The following PGAP4 variants were observed in gnomAD, a reference collection of about 807,000 sequenced individuals.
PGAP4 encodes the protein GPI-N-acetylgalactosamine transferase PGAP4.
A neutral mutation model predicts 28.2 loss-of-function variants in PGAP4; 12 were observed. That is an observed-to-expected ratio of 0.42 (90% CI 0.27 to 0.69). The LOEUF is 0.69. Ranked by LOEUF, PGAP4 falls within the 30% of genes least tolerant of loss-of-function variation. The pLI is 0.22. For missense variants in PGAP4, 425 were observed against 513.5 expected, an observed-to-expected ratio of 0.83 and a Z score of 1.67; for synonymous variants, 205 against 211.8, an observed-to-expected ratio of 0.97 and a Z score of 0.28.
upstream of PGAP4, among the ~76,000 whole-genome samples, chr9:101,487,804 C>T (rs188509275): frequency 2.6e-5 from 4 of 152,078 alleles, no homozygotes; most frequent in Non-Finnish European, 5.9e-5. Context: ...TTCAGGGCTA[C>T]GAAAATTATA....
In PGAP4 at chr9:101,474,994, T is replaced by TG. The variant is rs1053981643; in HGVS notation, c.*886_*887insC. 1.3e-5 allele frequency: 2 copies of TG among 151,666 alleles called. No homozygotes were observed. Among genetic ancestry groups the TG allele is most frequent in the Non-Finnish European group, 2.9e-5 (2 of 67,918 alleles). 9.4% of individuals were successfully genotyped at this position (151,666 alleles called of 1,614,324 possible). On this transcript the variant is annotated 3_prime_UTR_variant, in exon 2 of 2. Transcript: ENST00000374848. ...TTCTGACTTCAGTCCATGATTTTTT[T>TG]TTTTTTTTTTCTATAACATCATGCT... is the stretch of plus-strand genomic sequence containing the variant.
chr9:101,496,761 A>G (rs1255748485), intron 2 of PGAP4, among the ~76,000 whole-genome samples: 1 of 150,958 alleles, frequency 6.6e-6, no homozygotes, highest in African/African-American at 2.4e-5. Flanking sequence ...TTTTTAATAC[A>G]AAGTTATTGC....
At chr9:101,524,143 G>T (rs1335568268) in intron 2 of PGAP4, among the ~76,000 whole-genome samples, 1 of 151,460 alleles carries the variant, frequency 6.6e-6, no homozygotes, top group South Asian at 2.1e-4. Flanking sequence ...GGAGGTTGGG[G>T]GGCGGGTGTG....
chr9:101,531,110 T>G (rs539849794), intron 2 of PGAP4: 1 of 151,856 alleles, frequency 6.6e-6, no homozygotes, highest in Non-Finnish European at 1.5e-5. Flanking sequence ...CAAACCTGCC[T>G]TGTAGATTTT....
chr9:101,493,252 C>A (rs78965736), intron 2 of PGAP4, among the ~76,000 whole-genome samples: 6,397 of 116,828 alleles, frequency 0.055, 172 homozygotes, highest in Admixed American at 0.1. Context: ...GACTCCATCT[C>A]AAAAAAAAAA....
chr9:101,501,791 A>G, intron 2 of PGAP4: 2 of 517,518 alleles, frequency 3.9e-6, no homozygotes, highest in Admixed American at 1.9e-5. Flanking sequence ...TGCCAGACAC[A>G]AGAGATACAG....
At chr9:101,531,693 A>G (rs1260228962) in intron 1 of PGAP4, 1 of 152,216 alleles carries the variant, frequency 6.6e-6, no homozygotes, top group Admixed American at 6.5e-5. Flanking sequence ...ATTGGGGTGA[A>G]ATCAGTTTTC....
At chr9:101,523,615 G>C (rs551371967) in intron 2 of PGAP4, among the ~76,000 whole-genome samples, 1 of 27,354 alleles carries the variant, frequency 3.7e-5, no homozygotes, top group East Asian at 7.8e-4. Context: ...CTCACTTCTT[G>C]TATCTTTTTT....
intron 1 of PGAP4, among the ~76,000 whole-genome samples, chr9:101,483,863 T>C (rs868014075): frequency 6.6e-6 from 1 of 152,116 alleles, no homozygotes; most frequent in Non-Finnish European, 1.5e-5. Context: ...TAAAAAGTCA[T>C]TAATAAACAG....
chr9:101,521,853 T>G (rs1826990928), intron 2 of PGAP4, among the ~76,000 whole-genome samples: 1 of 152,222 alleles, frequency 6.6e-6, no homozygotes, highest in African/African-American at 2.4e-5. Context: ...TATTTAGGGC[T>G]ATGAAATTTC....
intron 1 of PGAP4, 114 bp from the exon 2 acceptor site, chr9:101,477,283 A>G (rs748503025): frequency 1.3e-5 from 9 of 693,542 alleles, no homozygotes; most frequent in Admixed American, 3.7e-5. Context: ...ACCAGAAATT[A>G]TAATAGGAGG....
At chr9:101,493,108 G>A (rs1005026479) in intron 2 of PGAP4, among the ~76,000 whole-genome samples, 1 of 151,960 alleles carries the variant, frequency 6.6e-6, no homozygotes, top group Non-Finnish European at 1.5e-5. Context: ...CAAAAAATTA[G>A]CCGGGTGTGG....
In PGAP4 at chr9:101,476,414, G is replaced by T; in HGVS notation, c.679C>A (p.Leu227Ile). The change falls in exon 2 of 2, where the codon CTT (leucine) becomes ATT (isoleucine). Residue 227 changes from leucine (L) to isoleucine (I), a missense_variant. Physicochemically the swap from Leu to Ile is conservative, Grantham distance 5. Coordinates refer to ENST00000374848, the MANE Select transcript of PGAP4 (RefSeq NM_032342.3). This position sits in a 1 kb window ranked among gnomAD's most constrained non-coding sequence, Gnocchi z 7.0. ...EEQIFPVLEH[L>I]LRARFSEPHL... ...GGCTCAGAGAAGCGAGCCCGCAGAA[G>T]GTGCTCCAAGACTGGGAAGATCTGC... is the stretch of plus-strand genomic sequence containing the variant. 1 of 1,614,116 alleles carries T rather than the reference G, an allele frequency of 6.2e-7. No individual in the cohort carries two copies. Among genetic ancestry groups the T allele is most frequent in the Non-Finnish European group, 8.5e-7 (1 of 1,180,026 alleles).
intron 2 of PGAP4, among the ~76,000 whole-genome samples, chr9:101,518,401 A>G (rs1826958948): frequency 6.6e-6 from 1 of 152,072 alleles, no homozygotes; most frequent in Non-Finnish European, 1.5e-5. Context: ...ACACTGCACC[A>G]TATTTGTAGT....
In PGAP4 at chr9:101,476,107, G is replaced by A; in HGVS notation, c.986C>T (p.Ala329Val). ...CATGGCTGGGGTGCAACACTGAGAG[G>A]CAGGAACCACACTGTACAGGGAAGG... Reference protein sequence around the residue: ...LSPSLYSVVPASQCCTPAMLF... With the variant: ...LSPSLYSVVPVSQCCTPAMLF... Residue 329 changes from alanine (A) to valine (V), a missense_variant, in exon 2 of 2, where the codon GCC becomes GTC. Physicochemically the swap from Ala to Val is moderately conservative, Grantham distance 64. Transcript: ENST00000374848. The surrounding 1 kb of genome is among the most constrained non-coding windows in gnomAD (Gnocchi z 7.0). The A allele has an allele frequency of 1.2e-6, 2 of 1,614,082 alleles. No individual in the cohort carries two copies. The highest frequency in any genetic ancestry group is 1.3e-5 in the African/African-American group (1 of 75,016).
At chr9:101,496,596 C>T (rs189701310) in intron 2 of PGAP4, among the ~76,000 whole-genome samples, 1 of 150,992 alleles carries the variant, frequency 6.6e-6, no homozygotes, top group Admixed American at 6.6e-5. Context: ...ACTTGATCAC[C>T]CACAAAAATT....
At chr9:101,503,238 T>C (rs1022230096) in intron 2 of PGAP4, among the ~76,000 whole-genome samples, 5 of 152,006 alleles carry the variant, frequency 3.3e-5, no homozygotes, top group Non-Finnish European at 7.4e-5. Flanking sequence ...AAAAAAAGCT[T>C]CAAGTTAAAG....
exon 1 of PGAP4, chr9:101,533,201 C>T (rs1300116352): frequency 2.0e-5 from 3 of 152,174 alleles, no homozygotes; most frequent in South Asian, 2.1e-4. Flanking sequence ...CCCAAAAAAG[C>T]ACAAGGGCAG....
At chr9:101,513,579 A>G (rs1826916821) in intron 2 of PGAP4, among the ~76,000 whole-genome samples, 1 of 152,180 alleles carries the variant, frequency 6.6e-6, no homozygotes, top group Non-Finnish European at 1.5e-5. Context: ...TGAGGATTGT[A>G]ATGCACATGC....
Sources: gnomAD v4.1 joint callset for allele counts (sites outside exome capture counted in the v4.1 genomes callset) on GRCh38, gnomAD v4.1.1 for gene constraint, Gnocchi (gnomAD v3.1) non-coding constraint, MANE v1.5 for transcripts, NCBI Gene and HGNC (gene_info 2026-07-23, HGNC 2026-07-21) for gene names.